The following RIMS2 variants were observed in gnomAD, a reference collection of about 807,000 sequenced individuals.
RIMS2 encodes the protein regulating synaptic membrane exocytosis protein 2.
Under a neutral mutation model 174.4 loss-of-function variants are expected in RIMS2, and 59 were observed. The ratio of observed to expected loss-of-function variants is 0.34; its 90% confidence interval spans 0.27 to 0.42. RIMS2 has a LOEUF of 0.42. RIMS2 is among the 10% of genes least tolerant of loss of function. RIMS2 has a pLI of 1.00. For synonymous variants in RIMS2, 606 were observed against 572.5 expected, an observed-to-expected ratio of 1.06 and a Z score of -0.84; for missense variants, 1,620 against 1,666.3, an observed-to-expected ratio of 0.97 and a Z score of 0.48.
chr8:103,551,618 A>G (rs1028767442), intron 1 of RIMS2, among the ~76,000 whole-genome samples: 1 of 152,140 alleles, frequency 6.6e-6, no homozygotes. Flanking sequence ...GACAGGAGAA[A>G]GAAATAAAGG....
intron 19 of RIMS2, among the ~76,000 whole-genome samples, chr8:104,051,977 A>T (rs1308776708): frequency 3.9e-5 from 6 of 152,130 alleles, no homozygotes; most frequent in Admixed American, 6.6e-5. Flanking sequence ...TAGTCTCTAC[A>T]GCTTTGTTAT....
intron 1 of RIMS2, among the ~76,000 whole-genome samples, chr8:103,517,629 G>C (rs543300515): frequency 3.3e-5 from 5 of 152,240 alleles, no homozygotes; most frequent in African/African-American, 1.2e-4. Flanking sequence ...AACCTTGCTG[G>C]TATGTATTAA....
chr8:103,675,777 A>G (rs890993260), intron 1 of RIMS2, among the ~76,000 whole-genome samples: 2 of 152,150 alleles, frequency 1.3e-5, no homozygotes, highest in African/African-American at 2.4e-5. Context: ...CATAACACAT[A>G]CAGACTTGCA....
intron 19 of RIMS2, among the ~76,000 whole-genome samples, chr8:104,020,139 T>C (rs2096049910): frequency 6.6e-6 from 1 of 152,072 alleles, no homozygotes; most frequent in Admixed American, 6.5e-5. Context: ...TATACTTTTC[T>C]CTTGTGTTCA....
At chr8:103,931,353 A>C (rs1290857846) in exon 12 of RIMS2, 1 of 1,605,478 alleles carries the variant, frequency 6.2e-7, no homozygotes, top group South Asian at 1.1e-5. Context: ...TGGGAGGCCA[A>C]GGAATCCTTA....
At chr8:103,511,213 C>T (rs1171884911) in intron 1 of RIMS2, among the ~76,000 whole-genome samples, 22 of 151,906 alleles carry the variant, frequency 1.4e-4, no homozygotes, top group Admixed American at 1.3e-3. Context: ...GTGCCCTGTA[C>T]GTAAAGATTA....
chr8:103,739,287 C>G (rs549445607), intron 2 of RIMS2, among the ~76,000 whole-genome samples: 2 of 152,202 alleles, frequency 1.3e-5, no homozygotes, highest in South Asian at 2.1e-4. Context: ...GGACAAAAAC[C>G]CAAACACCGC....
intron 2 of RIMS2, among the ~76,000 whole-genome samples, chr8:103,706,293 C>G (rs1364270338): frequency 6.6e-6 from 1 of 151,950 alleles, no homozygotes; most frequent in Non-Finnish European, 1.5e-5. Flanking sequence ...GTAGTTATTA[C>G]TTTTGGTAAA....
chr8:104,047,471 T>C (rs2096714308), intron 19 of RIMS2, among the ~76,000 whole-genome samples: 1 of 152,034 alleles, frequency 6.6e-6, no homozygotes, highest in Non-Finnish European at 1.5e-5. Context: ...TGCTCCATGA[T>C]CTTGTGAAAG....
At chr8:104,166,211 C>T (rs1016338476) in intron 19 of RIMS2, among the ~76,000 whole-genome samples, 3 of 151,502 alleles carry the variant, frequency 2.0e-5, no homozygotes, top group African/African-American at 4.9e-5. Flanking sequence ...GGACTACAGG[C>T]GCCCGCCACC....
At chr8:104,007,242 A>G (rs1190191223) in intron 17 of RIMS2, among the ~76,000 whole-genome samples, 2 of 152,116 alleles carry the variant, frequency 1.3e-5, no homozygotes, top group East Asian at 1.9e-4. Context: ...TATCATTCAT[A>G]CCTTCTTCTC....
At chr8:104,125,672 A>G (rs2098422592) in intron 19 of RIMS2, among the ~76,000 whole-genome samples, 1 of 152,154 alleles carries the variant, frequency 6.6e-6, no homozygotes, top group Non-Finnish European at 1.5e-5. Context: ...ATGATGACCA[A>G]CTTATACCAT....
chr8:103,587,100 A>C (rs1210998665), intron 1 of RIMS2, among the ~76,000 whole-genome samples: 1 of 152,078 alleles, frequency 6.6e-6, no homozygotes, highest in Non-Finnish European at 1.5e-5. Context: ...AAATTGGAAA[A>C]TCTAGAAGAA....
chr8:103,927,866 A>C (rs1174260078), exon 11 of RIMS2: 1 of 1,608,436 alleles, frequency 6.2e-7, no homozygotes. Context: ...TAGAAGAACA[A>C]CGCCTTTTGT....
At chr8:104,117,430 C>A (rs1368918046) in intron 19 of RIMS2, among the ~76,000 whole-genome samples, 3 of 151,770 alleles carry the variant, frequency 2.0e-5, no homozygotes, top group Non-Finnish European at 4.4e-5. Flanking sequence ...GCTCTGCCAG[C>A]CAGGCTGTAG....
intron 1 of RIMS2, among the ~76,000 whole-genome samples, chr8:103,559,706 G>A (rs896517463): frequency 6.6e-6 from 1 of 152,184 alleles, no homozygotes; most frequent in South Asian, 2.1e-4. Flanking sequence ...ATCAATATGT[G>A]TTAGATTATC....
intron 19 of RIMS2, among the ~76,000 whole-genome samples, chr8:104,180,432 A>T (rs1346223935): frequency 1.3e-5 from 2 of 150,948 alleles, no homozygotes; most frequent in African/African-American, 4.9e-5. Flanking sequence ...ACTCAACAAC[A>T]GATTATTAAT....
In RIMS2 at chr8:103,967,170, G is replaced by GTTTTT. The variant is rs71575988; in HGVS notation, c.2770+6063_2770+6067dup. 6.5e-3 allele frequency among the ~76,000 whole-genome samples: 162 copies of GTTTTT among 24,988 alleles called. 27 individuals carry two copies. Among genetic ancestry groups the GTTTTT allele is most frequent in the African/African-American group, 0.014 (67 of 4,744 alleles). The allele number at this position is 24,988 out of a possible 152,430, so 16.4% of individuals were successfully genotyped here. ...TTTTCTGCCTGCTTGATCTGTTCTTGTTTTTTTTTTTTTTTTTTTTTTTTT... is the reference window on the plus strand; with the variant it reads ...TTTTCTGCCTGCTTGATCTGTTCTTGTTTTTTTTTTTTTTTTTTTTTTTTTTTTTT... On this transcript the variant is annotated intron_variant, in intron 15 of 23. Transcript: ENST00000504942.
chr8:104,102,333 A>G (rs914949612), intron 19 of RIMS2, among the ~76,000 whole-genome samples: 6 of 152,162 alleles, frequency 3.9e-5, no homozygotes, highest in Non-Finnish European at 7.4e-5. Flanking sequence ...AAACCTGGGC[A>G]TCACTCTTGA....
Sources: allele counts gnomAD v4.1 joint callset (sites outside exome capture counted in the v4.1 genomes callset), GRCh38; gene constraint gnomAD v4.1.1; transcripts MANE v1.5; gene names NCBI Gene and HGNC (gene_info 2026-07-23, HGNC 2026-07-21).